GNAQ: variants seen among roughly 807,000 people sequenced by gnomAD.
GNAQ encodes guanine nucleotide-binding protein G(q) subunit alpha.
In GNAQ, 8 loss-of-function variants were observed where a neutral mutation model predicts 43.9. The observed-to-expected ratio is 0.18, with a 90% CI of 0.11 to 0.33. The LOEUF (loss-of-function observed/expected upper bound fraction) is 0.33. Among genes scored for constraint, GNAQ ranks in the 10% least tolerant of loss-of-function variants. GNAQ has a pLI of 1.00. For missense variants in GNAQ, 158 were observed against 450.8 expected, an observed-to-expected ratio of 0.35 and a Z score of 5.88; for synonymous variants, 155 against 170.7, an observed-to-expected ratio of 0.91 and a Z score of 0.71.
chr9:77,743,787 C>T (rs1318684841), intron 5 of GNAQ, among the ~76,000 whole-genome samples: 2 of 152,150 alleles, frequency 1.3e-5, no homozygotes, highest in Non-Finnish European at 2.9e-5. Flanking sequence ...GTTTCTGCCA[C>T]CCTCCACCAA....
intron 2 of GNAQ, among the ~76,000 whole-genome samples, chr9:77,821,111 T>C (rs75436093): frequency 6.6e-6 from 1 of 152,208 alleles, no homozygotes; most frequent in East Asian, 1.9e-4. Flanking sequence ...CTGCCACATA[T>C]CCTTTCATTA....
chr9:77,760,915 G>A (rs553688493), intron 5 of GNAQ, among the ~76,000 whole-genome samples: 1 of 150,002 alleles, frequency 6.7e-6, no homozygotes, highest in East Asian at 2.0e-4. Flanking sequence ...TCTGGGAGGT[G>A]AGGAGCATCT....
intron 4 of GNAQ, among the ~76,000 whole-genome samples, chr9:77,795,900 C>T (rs1455068082): frequency 1.3e-5 from 2 of 152,106 alleles, no homozygotes; most frequent in Admixed American, 6.6e-5. Flanking sequence ...AGCCAGTGTA[C>T]AAAACGTGGA....
Position 77,893,787 on chromosome 9 carries a change from T to A in GNAQ, c.321+28374A>T, listed in dbSNP as rs561765250. Among the ~76,000 whole-genome samples the A allele has an allele frequency of 1.5e-4, 23 of 152,220 alleles. No homozygotes were observed. In the South Asian group the frequency reaches 4.8e-3, roughly 32 times the overall value. On this transcript the variant is annotated intron_variant, in intron 2 of 6. Coordinates refer to ENST00000286548, the MANE Select transcript of GNAQ (RefSeq NM_002072.5). ...CTTTAAGTAAATTTATGGATTCTTG[T>A]CTATTTGGCACCTGAAGAAGAATTC...
chr9:77,802,870 A>G (rs1414701194), intron 3 of GNAQ, among the ~76,000 whole-genome samples: 1 of 152,208 alleles, frequency 6.6e-6, no homozygotes, highest in East Asian at 1.9e-4. Flanking sequence ...CAATCCCTCC[A>G]TGGGGATTTA....
chr9:77,764,039 G>A (rs1319580848), intron 5 of GNAQ, among the ~76,000 whole-genome samples: 1 of 152,176 alleles, frequency 6.6e-6, no homozygotes, highest in African/African-American at 2.4e-5. Flanking sequence ...AAAGCAGTGA[G>A]CTGGTACATA....
chr9:78,016,183 T>C (rs949354556), intron 1 of GNAQ, among the ~76,000 whole-genome samples: 2 of 152,220 alleles, frequency 1.3e-5, no homozygotes, highest in Non-Finnish European at 2.9e-5. Flanking sequence ...ATTTTTCCAA[T>C]GGTTTCTTCC....
intron 2 of GNAQ, among the ~76,000 whole-genome samples, chr9:77,871,878 G>A (rs1034067274): frequency 1.3e-5 from 2 of 152,292 alleles, no homozygotes; most frequent in Middle Eastern, 3.4e-3. Flanking sequence ...GGGTGAGGGA[G>A]AGGTATGGTT....
At position 77,815,740 on chromosome 9, in the gene GNAQ, C is replaced by A; in HGVS notation, c.352G>T (p.Val118Leu). 9.3e-6 allele frequency: 15 copies of A among 1,611,718 alleles called. No homozygotes were observed. The highest frequency in any genetic ancestry group is 1.3e-5 in the Non-Finnish European group (15 of 1,178,158). ...TTCTCAAAAGCAGACACCTTCTCCA[C>A]ATCAACTTCTCGAACTAATTGTGCA... ...AHAQLVREVD[V>L]EKVSAFENPY... Residue 118 changes from valine (V) to leucine (L), a missense_variant, in exon 3 of 7, where the codon GTG becomes TTG. By Grantham distance (32) the Val-to-Leu change is conservative. Transcript: ENST00000286548.
rs535203519 is a variant in GNAQ, at chr9:77,952,045, G to A, written c.137-29700C>T. ...GATGACCAGCAGGATAATCATGAGT[G>A]GGCAAAAAGACAAAACTCATATTCA... On this transcript the variant is annotated intron_variant, in intron 1 of 6. Coordinates refer to ENST00000286548, the MANE Select transcript of GNAQ (RefSeq NM_002072.5). Among the ~76,000 whole-genome samples the A allele has an allele frequency of 2.0e-5, 3 of 152,182 alleles. No individual in the cohort carries two copies. In the East Asian group the frequency reaches 5.8e-4, roughly 29 times the overall value.
intron 2 of GNAQ, among the ~76,000 whole-genome samples, chr9:77,825,825 A>AC (rs1827186139): frequency 6.6e-6 from 1 of 152,214 alleles, no homozygotes; most frequent in Non-Finnish European, 1.5e-5. Flanking sequence ...AGGTGCAAAC[A>AC]CAAGTATCTC....
At chr9:77,997,922 T>C (rs1321975352) in intron 1 of GNAQ, among the ~76,000 whole-genome samples, 1 of 152,192 alleles carries the variant, frequency 6.6e-6, no homozygotes, top group South Asian at 2.1e-4. Context: ...ATGAGCCACA[T>C]CAGGTGCCTT....
intron 1 of GNAQ, among the ~76,000 whole-genome samples, chr9:77,970,393 C>T (rs1030190997): frequency 2.6e-5 from 4 of 152,160 alleles, no homozygotes; most frequent in East Asian, 3.8e-4. Context: ...AAGTTACCAA[C>T]GGCCCAACTG....
At chr9:77,862,154 T>C (rs1420847365) in intron 2 of GNAQ, among the ~76,000 whole-genome samples, 1 of 151,874 alleles carries the variant, frequency 6.6e-6, no homozygotes, top group African/African-American at 2.4e-5. Flanking sequence ...TCCAGGTGCA[T>C]GGTGCAAGCT....
intron 1 of GNAQ, among the ~76,000 whole-genome samples, chr9:77,924,353 A>G (rs568807387): frequency 3.3e-4 from 51 of 152,340 alleles, no homozygotes; most frequent in Admixed American, 7.8e-4. Context: ...AATTAAAAGT[A>G]TACAAGACAA....
chr9:78,021,528 G>C (rs775364318), intron 1 of GNAQ, among the ~76,000 whole-genome samples: 29 of 152,182 alleles, frequency 1.9e-4, no homozygotes, highest in Non-Finnish European at 3.4e-4. Flanking sequence ...GATGGAAAAA[G>C]AAATGAACAC....
At chr9:78,023,234 A>C (rs1390784494) in intron 1 of GNAQ, among the ~76,000 whole-genome samples, 1 of 152,206 alleles carries the variant, frequency 6.6e-6, no homozygotes, top group Non-Finnish European at 1.5e-5. Context: ...AGTATTGCAA[A>C]AGAAAGTTAA....
chr9:77,960,634 A>G (rs535630200), intron 1 of GNAQ, among the ~76,000 whole-genome samples: 1 of 152,318 alleles, frequency 6.6e-6, no homozygotes, highest in East Asian at 1.9e-4. Flanking sequence ...CGGAGTCTTT[A>G]GGATTAGCAA....
At chr9:77,753,648 T>C (rs531058322) in intron 5 of GNAQ, among the ~76,000 whole-genome samples, 2 of 152,290 alleles carry the variant, frequency 1.3e-5, no homozygotes, top group South Asian at 2.1e-4. Context: ...AAGTATAGCA[T>C]GATAATTTAA....
Sources: allele counts gnomAD v4.1 joint callset (sites outside exome capture counted in the v4.1 genomes callset), GRCh38; gene constraint gnomAD v4.1.1; transcripts MANE v1.5; gene names NCBI Gene and HGNC (gene_info 2026-07-23, HGNC 2026-07-21).